Variants in PSD3 observed in about 807,000 individuals in gnomAD.
PSD3 encodes PH and SEC7 domain-containing protein 3.
In PSD3, 49 loss-of-function variants were observed where a neutral mutation model predicts 105.5. The ratio of observed to expected loss-of-function variants is 0.46; its 90% CI spans 0.37 to 0.59. The LOEUF is 0.59. PSD3 is among the 20% of genes least tolerant of loss of function. The pLI is 0.00. For synonymous variants in PSD3, 557 were observed against 457.8 expected (o/e 1.22, Z -2.77); for missense variants, 1,561 against 1,263.8 (o/e 1.24, Z -3.57).
chr8:18,803,553 T>G (rs980442251), intron 6 of PSD3, among the ~76,000 whole-genome samples: 1 of 152,062 alleles, frequency 6.6e-6, no homozygotes, highest in Non-Finnish European at 1.5e-5. Flanking sequence ...CCCAAGCGTG[T>G]CCTGAAGCTG....
chr8:18,978,608 A>G (rs891114474), intron 1 of PSD3, among the ~76,000 whole-genome samples: 2 of 152,168 alleles, frequency 1.3e-5, no homozygotes, highest in African/African-American at 2.4e-5. Context: ...AGTAACCTCA[A>G]CATGGGGTTT....
intron 9 of PSD3, among the ~76,000 whole-genome samples, chr8:18,697,264 G>A (rs1475618435): frequency 6.6e-6 from 1 of 152,114 alleles, no homozygotes; most frequent in Non-Finnish European, 1.5e-5. Context: ...CGACAATACT[G>A]GGTATCACAG....
chr8:18,541,679 C>T (rs1020150539), intron 15 of PSD3, among the ~76,000 whole-genome samples: 3 of 152,022 alleles, frequency 2.0e-5, no homozygotes, highest in Non-Finnish European at 4.4e-5. Context: ...GGCTTTTTCT[C>T]TCTCTTTAGA....
chr8:18,890,781 G>A lies in PSD3; in HGVS notation c.131-18048C>T, dbSNP rs376171497. 2.7e-4 allele frequency among the ~76,000 whole-genome samples: 41 copies of A among 151,784 alleles called. 1 individual carries two copies. The East Asian group carries it at 3.1e-3, about 12-fold the overall frequency. On this transcript the variant is annotated intron_variant, in intron 2 of 15. Transcript: ENST00000327040. The stretch of plus-strand genomic sequence containing the variant: ...TGATCCCTCTCAGCACAGAAGTGAT[G>A]TGTGTTCCCTGTGCTGCAAACTGCA...
intron 11 of PSD3, among the ~76,000 whole-genome samples, chr8:18,625,568 T>C (rs1245011426): frequency 2.0e-5 from 3 of 152,214 alleles, no homozygotes; most frequent in African/African-American, 7.2e-5. Context: ...CCTCCAGTTA[T>C]CTAAATACAT....
chr8:18,855,700 A>AAAC (rs5889832), intron 4 of PSD3, among the ~76,000 whole-genome samples: 118,850 of 151,916 alleles, frequency 0.78, 47,546 homozygotes, highest in East Asian at 0.94. Flanking sequence ...AAAGTGTGTG[A>AAAC]AACACTGTCT....
intron 15 of PSD3, among the ~76,000 whole-genome samples, chr8:18,546,358 A>G (rs966186308): frequency 4.6e-5 from 7 of 152,130 alleles, no homozygotes; most frequent in African/African-American, 1.2e-4. Context: ...GGGAAGTATC[A>G]TAAGTAGTCA....
intron 2 of PSD3, among the ~76,000 whole-genome samples, chr8:18,896,018 A>G (rs1360114191): frequency 1.3e-5 from 2 of 152,158 alleles, no homozygotes; most frequent in African/African-American, 4.8e-5. Flanking sequence ...CTCTACTTCT[A>G]TGAGATCAAC....
At chr8:19,023,413 T>TTATG (rs1370686456) in intron 1 of PSD3, among the ~76,000 whole-genome samples, 1 of 118,782 alleles carries the variant, frequency 8.4e-6, no homozygotes, top group Non-Finnish European at 1.9e-5. Context: ...ATTTATTTAT[T>TTATG]TATTTATTTA....
intron 1 of PSD3, among the ~76,000 whole-genome samples, chr8:18,979,446 T>C (rs1012690867): frequency 6.6e-6 from 1 of 152,236 alleles, no homozygotes; most frequent in Non-Finnish European, 1.5e-5. Flanking sequence ...ATAGAATCAA[T>C]AGTATCTTTC....
At chr8:18,550,041 G>A (rs1800670653) in intron 15 of PSD3, among the ~76,000 whole-genome samples, 2 of 152,098 alleles carry the variant, frequency 1.3e-5, no homozygotes, top group Admixed American at 1.3e-4. Flanking sequence ...CTAATTTTAT[G>A]ATTTTTGTCT....
chr8:18,875,854 T>A (rs1419025789), intron 2 of PSD3, among the ~76,000 whole-genome samples: 1 of 152,118 alleles, frequency 6.6e-6, no homozygotes, highest in African/African-American at 2.4e-5. Flanking sequence ...AACATTTTTA[T>A]CACTCCCAAA....
chr8:18,908,769 T>C (rs1024011373), intron 2 of PSD3, among the ~76,000 whole-genome samples: 6 of 152,192 alleles, frequency 3.9e-5, no homozygotes, highest in African/African-American at 1.4e-4. Context: ...ATTATCTCCT[T>C]ATAAGCAATG....
chr8:18,995,967 T>C (rs1014356287), intron 1 of PSD3, among the ~76,000 whole-genome samples: 12 of 151,850 alleles, frequency 7.9e-5, no homozygotes, highest in African/African-American at 2.9e-4. Flanking sequence ...CATCACCTAG[T>C]AGCTTGTTAA....
intron 1 of PSD3, among the ~76,000 whole-genome samples, chr8:19,077,433 C>T (rs1011502838): frequency 6.6e-6 from 1 of 152,094 alleles, no homozygotes; most frequent in Non-Finnish European, 1.5e-5. Context: ...AGCCAAAAAA[C>T]AGTCATAGCT....
At chr8:18,907,640 T>C (rs1359651239) in intron 2 of PSD3, among the ~76,000 whole-genome samples, 1 of 152,246 alleles carries the variant, frequency 6.6e-6, no homozygotes, top group Non-Finnish European at 1.5e-5. Flanking sequence ...AGCCTAGGTG[T>C]GTCTCATATA....
chr8:18,592,207 G>T (rs1803664377), intron 12 of PSD3, among the ~76,000 whole-genome samples: 1 of 152,114 alleles, frequency 6.6e-6, no homozygotes, highest in Non-Finnish European at 1.5e-5. Context: ...GAACTAAATA[G>T]ATATTTTCAA....
intron 2 of PSD3, among the ~76,000 whole-genome samples, chr8:18,896,969 C>T (rs763272567): frequency 6.6e-6 from 1 of 151,976 alleles, no homozygotes; most frequent in Non-Finnish European, 1.5e-5. Flanking sequence ...CACCACCATG[C>T]TCGGCTAATT....
chr8:18,732,463 G>T (rs1393947372), intron 9 of PSD3, among the ~76,000 whole-genome samples: 1 of 152,242 alleles, frequency 6.6e-6, no homozygotes, highest in Non-Finnish European at 1.5e-5. Flanking sequence ...AGAACTCAGT[G>T]AGAACAGGAT....
Sources: gnomAD v4.1 joint callset for allele counts (sites outside exome capture counted in the v4.1 genomes callset) on GRCh38, gnomAD v4.1.1 for gene constraint, MANE v1.5 for transcripts, NCBI Gene and HGNC (gene_info 2026-07-23, HGNC 2026-07-21) for gene names.